Variants in NUBPL observed in about 807,000 individuals in gnomAD.
NUBPL encodes iron-sulfur cluster transfer protein NUBPL.
In NUBPL, 31 loss-of-function variants were observed where a neutral mutation model predicts 45.7. That is an observed-to-expected ratio of 0.68 (90% CI 0.51 to 0.92). NUBPL has a LOEUF of 0.92. Among genes scored for constraint, NUBPL ranks in the 40% least tolerant of loss-of-function variants. The probability of loss-of-function intolerance (pLI) is 0.00; values close to 1 mark genes in which losing one functional copy is unlikely to be tolerated. For missense variants in NUBPL, 401 were observed against 398.7 expected (o/e 1.01, Z -0.05); for synonymous variants, 144 against 140.9 (o/e 1.02, Z -0.15).
chr14:31,701,460 C>T (rs188334442), intron 6 of NUBPL, among the ~76,000 whole-genome samples: 51 of 152,314 alleles, frequency 3.3e-4, no homozygotes, highest in African/African-American at 1.1e-3. Flanking sequence ...AAGCCAGCAG[C>T]GGCAACCCAC....
At chr14:31,802,942 T>G (rs978787442) in intron 7 of NUBPL, among the ~76,000 whole-genome samples, 5 of 152,210 alleles carry the variant, frequency 3.3e-5, no homozygotes, top group African/African-American at 1.2e-4. Flanking sequence ...TTGTGAAAGG[T>G]GTCAGGCCTA....
At chr14:31,683,327 C>A (rs1315422445) in intron 6 of NUBPL, among the ~76,000 whole-genome samples, 2 of 142,406 alleles carry the variant, frequency 1.4e-5, no homozygotes, top group African/African-American at 5.2e-5. Flanking sequence ...ATTTAATCAT[C>A]TTTTAAGCTA....
intron 6 of NUBPL, among the ~76,000 whole-genome samples, chr14:31,680,217 A>G (rs1447246415): frequency 2.0e-5 from 3 of 152,024 alleles, no homozygotes; most frequent in African/African-American, 7.2e-5. Context: ...CCATTCCTTA[A>G]ATTTGATTTT....
intron 6 of NUBPL, among the ~76,000 whole-genome samples, chr14:31,756,983 G>A (rs2038680992): frequency 6.6e-6 from 1 of 151,390 alleles, no homozygotes; most frequent in Admixed American, 6.6e-5. Flanking sequence ...CTTTGGTTCT[G>A]TTTATATGCT....
chr14:31,809,381 T>C (rs1224077365), intron 7 of NUBPL, among the ~76,000 whole-genome samples: 2 of 152,234 alleles, frequency 1.3e-5, no homozygotes, highest in Non-Finnish European at 2.9e-5. Context: ...CCATTTCTTC[T>C]AGACTTTCTA....
Position 31,859,346 on chromosome 14 carries a change from T to C in NUBPL, c.*166T>C. ...TTGCTAAGCTAAGGTTCACAAAACTTTGATGTATCAATGTTAACTGCTATA... is the reference window on the plus strand; with the variant it reads ...TTGCTAAGCTAAGGTTCACAAAACTCTGATGTATCAATGTTAACTGCTATA... On this transcript the variant is annotated 3_prime_UTR_variant, in exon 11 of 11. Transcript: ENST00000281081. 1.5e-6 allele frequency: 1 copy of C among 685,130 alleles called. No individual in the cohort carries two copies. The highest frequency in any genetic ancestry group is 1.8e-5 in the African/African-American group (1 of 55,756). The allele number at this position is 685,130 out of a possible 1,614,324, so 42.4% of individuals were successfully genotyped here.
chr14:31,580,497 A>C (rs1314210604), intron 3 of NUBPL, among the ~76,000 whole-genome samples: 2 of 152,174 alleles, frequency 1.3e-5, no homozygotes, highest in African/African-American at 4.8e-5. Context: ...GTACAGCTGT[A>C]GTCCCAGCTA....
chr14:31,670,837 G>GTT (rs1391761750), intron 4 of NUBPL, among the ~76,000 whole-genome samples: 1 of 152,152 alleles, frequency 6.6e-6, no homozygotes, highest in Admixed American at 6.5e-5. Flanking sequence ...CCATGTGCCT[G>GTT]TTTTTGTACC....
At position 31,769,668 on chromosome 14, in the gene NUBPL, A is replaced by T. The variant is rs372118397; in HGVS notation, c.514-18112A>T. ...GTAACCCTCTCCTTTTTTTTAAAAA[A>T]AAAAGCTTCTTTGTTATTTTGGTGC... is the stretch of plus-strand genomic sequence containing the variant. On this transcript the variant is annotated intron_variant, in intron 6 of 10. Transcript: ENST00000281081. Among the ~76,000 whole-genome samples, 23 of 151,924 alleles carry T rather than the reference A, an allele frequency of 1.5e-4. No homozygotes were observed. The East Asian group carries it at 3.7e-3, about 24-fold the overall frequency.
chr14:31,801,385 C>G lies in NUBPL; in HGVS notation c.607+13512C>G, dbSNP rs59284467. 9.6e-3 allele frequency among the ~76,000 whole-genome samples: 1,467 copies of G among 152,228 alleles called. 30 individuals are homozygous for G. The highest frequency in any genetic ancestry group is 0.033 in the African/African-American group (1,391 of 41,538). ...AGGGAGACTACAGCAAGTGGAATAA[C>G]TAACACAACATTGCTCCTTCATGGT... On this transcript the variant is annotated intron_variant, in intron 7 of 10. Coordinates refer to ENST00000281081, the MANE Select transcript of NUBPL (RefSeq NM_025152.3).
chr14:31,671,695 G>T (rs2036573870), intron 4 of NUBPL, among the ~76,000 whole-genome samples: 1 of 152,206 alleles, frequency 6.6e-6, no homozygotes, highest in South Asian at 2.1e-4. Flanking sequence ...GGGAGATTGA[G>T]CTAGTTAGTT....
intron 10 of NUBPL, 95 bp downstream of exon 10, chr14:31,850,296 G>C: frequency 5.7e-6 from 5 of 882,378 alleles, no homozygotes; most frequent in Non-Finnish European, 7.4e-6. Flanking sequence ...TATATTTGCA[G>C]TGCATATATA....
intron 6 of NUBPL, among the ~76,000 whole-genome samples, chr14:31,768,261 A>C (rs1451413764): frequency 6.6e-6 from 1 of 152,240 alleles, no homozygotes; most frequent in Non-Finnish European, 1.5e-5. Flanking sequence ...AGCTCTGAAG[A>C]AGAAGTAAGC....
At chr14:31,662,104 A>G (rs1204322808) in intron 4 of NUBPL, 1 of 151,960 alleles carries the variant, frequency 6.6e-6, no homozygotes, top group Non-Finnish European at 1.5e-5. Flanking sequence ...AATCTTCTGT[A>G]TCATTCCAAT....
intron 6 of NUBPL, among the ~76,000 whole-genome samples, chr14:31,783,669 C>G (rs535987906): frequency 7.3e-4 from 111 of 152,108 alleles, no homozygotes; most frequent in Admixed American, 3.0e-3. Flanking sequence ...AGACACCCAC[C>G]ACCAGGCCCA....
At chr14:31,789,387 C>A (rs1407675835) in intron 7 of NUBPL, among the ~76,000 whole-genome samples, 1 of 151,634 alleles carries the variant, frequency 6.6e-6, no homozygotes, top group African/African-American at 2.4e-5. Context: ...TTGGTAAATA[C>A]AACTATGGGA....
intron 4 of NUBPL, among the ~76,000 whole-genome samples, chr14:31,624,633 C>G (rs887259528): frequency 6.6e-6 from 1 of 152,096 alleles, no homozygotes; most frequent in Non-Finnish European, 1.5e-5. Context: ...GATGTAATCT[C>G]GGCTCACTGC....
intron 4 of NUBPL, among the ~76,000 whole-genome samples, chr14:31,651,969 G>A (rs950295080): frequency 6.6e-6 from 1 of 151,614 alleles, no homozygotes; most frequent in Non-Finnish European, 1.5e-5. Context: ...AAGAAGACAT[G>A]CAAATGACCC....
intron 6 of NUBPL, among the ~76,000 whole-genome samples, chr14:31,745,069 T>TTAC (rs2038367707): frequency 6.6e-6 from 1 of 152,114 alleles, no homozygotes; most frequent in African/African-American, 2.4e-5. Context: ...TTTATTATTA[T>TTAC]ACTTTAAGTT....
Sources: gnomAD v4.1 joint callset for allele counts (sites outside exome capture counted in the v4.1 genomes callset) on GRCh38, gnomAD v4.1.1 for gene constraint, MANE v1.5 for transcripts, NCBI Gene and HGNC (gene_info 2026-07-23, HGNC 2026-07-21) for gene names.